RIMBP2: variants seen among roughly 807,000 people sequenced by gnomAD.
RIMBP2 encodes RIMS binding protein 2, also known as RIMS-binding protein 2.
Under a neutral mutation model 118.6 loss-of-function variants are expected in RIMBP2, and 48 were observed. That is an observed-to-expected ratio of 0.40 (90% CI 0.32 to 0.51). The LOEUF is 0.51. Ranked by LOEUF, RIMBP2 falls within the 20% of genes least tolerant of loss-of-function variation. The probability of loss-of-function intolerance (pLI) is 0.41; values close to 1 mark genes in which losing one functional copy is unlikely to be tolerated. For missense variants in RIMBP2, 1,551 were observed against 1,768.3 expected (o/e 0.88, Z 2.20); for synonymous variants, 762 against 742.9 (o/e 1.03, Z -0.42).
chr12:130,548,933 A>G (rs1227569973), intron 2 of RIMBP2, among the ~76,000 whole-genome samples: 1 of 152,052 alleles, frequency 6.6e-6, no homozygotes, highest in East Asian at 1.9e-4. Context: ...TCTTGAGATG[A>G]CCACTCTTGA....
Position 130,459,364 on chromosome 12 carries a change from C to T in RIMBP2, c.154-2664G>A, listed in dbSNP as rs75847700. ...CCAGCATGCTACAGTGCTGCTCCCA[C>T]GCCAGCTTCCCGGCTTTGAGAACAC... On this transcript the variant is annotated intron_variant, in intron 6 of 22. Coordinates refer to ENST00000690449, the MANE Select transcript of RIMBP2 (RefSeq NM_001393629.1). Among the ~76,000 whole-genome samples the T allele has an allele frequency of 5.5e-3, 832 of 152,094 alleles. 15 individuals are homozygous for T. The highest frequency in any genetic ancestry group is 0.019 in the African/African-American group (801 of 41,484).
At chr12:130,650,496 T>C (rs1297370609) in intron 1 of RIMBP2, among the ~76,000 whole-genome samples, 2 of 152,268 alleles carry the variant, frequency 1.3e-5, no homozygotes, top group African/African-American at 4.8e-5. Context: ...AGCCCTGCCA[T>C]AGGGCGTGAC....
At chr12:130,676,839 G>A (rs963648091) in intron 1 of RIMBP2, among the ~76,000 whole-genome samples, 9 of 152,130 alleles carry the variant, frequency 5.9e-5, no homozygotes, top group Non-Finnish European at 1.0e-4. Context: ...GCAGGGACAA[G>A]TGAGGGGCTG....
At chr12:130,543,227 A>T (rs200181393) in intron 2 of RIMBP2, among the ~76,000 whole-genome samples, 2 of 152,182 alleles carry the variant, frequency 1.3e-5, no homozygotes, top group East Asian at 3.9e-4. Context: ...AGCATTCTTT[A>T]AACTATTGAT....
intron 21 of RIMBP2, among the ~76,000 whole-genome samples, chr12:130,402,869 T>G (rs1288748778): frequency 6.6e-6 from 1 of 152,212 alleles, no homozygotes; most frequent in Non-Finnish European, 1.5e-5. Flanking sequence ...ATTTAAGGTT[T>G]CAGATACCGA....
chr12:130,578,409 G>A lies in RIMBP2; in HGVS notation c.-217+49913C>T, dbSNP rs2058236075. Among the ~76,000 whole-genome samples, 1 of 152,198 alleles carries A rather than the reference G, an allele frequency of 6.6e-6. No homozygotes were observed. The highest frequency in any genetic ancestry group is 2.1e-4 in the South Asian group (1 of 4,828). ...AGCAGTACAAAGTGCAAACCTGCCTGACATCCAAGACCTTCTGCAGCTTTG... is the reference window on the plus strand; with the variant it reads ...AGCAGTACAAAGTGCAAACCTGCCTAACATCCAAGACCTTCTGCAGCTTTG... On this transcript the variant is annotated intron_variant, in intron 2 of 22. Coordinates refer to ENST00000690449, the MANE Select transcript of RIMBP2 (RefSeq NM_001393629.1). The surrounding 1 kb of genome is among the most constrained non-coding windows in gnomAD (Gnocchi z 4.1).
chr12:130,456,740 T>C (rs1224064626), intron 6 of RIMBP2, 40 bp from the exon 7 acceptor site: 2 of 1,513,602 alleles, frequency 1.3e-6, no homozygotes, highest in South Asian at 2.4e-5. Flanking sequence ...GCGGTGGCAT[T>C]TGGTGGTGGA....
At position 130,414,194 on chromosome 12, in the gene RIMBP2, C is replaced by A. The variant is rs143479429; in HGVS notation, c.3351G>T (p.Pro1117=). 6.2e-6 allele frequency: 10 copies of A among 1,614,002 alleles called. No individual in the cohort carries two copies. In the African/African-American group the frequency reaches 1.3e-4, roughly 22 times the overall value. Residue 1117 remains proline, a synonymous_variant, in exon 18 of 23, where the codon CCG becomes CCT. Transcript: ENST00000690449. ...RIFVALFDYD[P]LTMSPNPDAA... ...CATCTGGGTTTGGGGACATGGTGAG[C>A]GGGTCGTAGTCAAAGAGAGCCACAA...
chr12:130,602,438 G>A (rs185364094), intron 2 of RIMBP2, among the ~76,000 whole-genome samples: 2 of 152,314 alleles, frequency 1.3e-5, no homozygotes, highest in Admixed American at 1.3e-4. Context: ...AATGCCCTCC[G>A]CCCATTTGGG....
chr12:130,702,515 CAA>C (rs11309202), intron 1 of RIMBP2, among the ~76,000 whole-genome samples: 1 of 131,506 alleles, frequency 7.6e-6, no homozygotes. Context: ...GACTCTGTCT[CAA>C]AAAAAAAATA....
chr12:130,483,052 A>G (rs2082153226), intron 4 of RIMBP2, among the ~76,000 whole-genome samples: 1 of 46,358 alleles, frequency 2.2e-5, no homozygotes, highest in Non-Finnish European at 4.3e-5. Context: ...AAATACACCC[A>G]CTGTGTGTGT....
chr12:130,515,856 C>T (rs746964809), intron 3 of RIMBP2, among the ~76,000 whole-genome samples: 42 of 152,172 alleles, frequency 2.8e-4, no homozygotes, highest in South Asian at 1.2e-3. Context: ...CACCACCACA[C>T]CTAGCTAATT....
intron 2 of RIMBP2, among the ~76,000 whole-genome samples, chr12:130,568,397 A>G (rs1245321582): frequency 1.3e-5 from 2 of 152,220 alleles, no homozygotes; most frequent in African/African-American, 2.4e-5. Flanking sequence ...GTCTGGCTGG[A>G]TCAGTGGTAA....
At chr12:130,645,992 C>T (rs934742582) in intron 1 of RIMBP2, among the ~76,000 whole-genome samples, 1 of 152,066 alleles carries the variant, frequency 6.6e-6, no homozygotes, top group African/African-American at 2.4e-5. Context: ...CAGGGAACAA[C>T]ACTTTGCGTT....
At chr12:130,632,391 A>G (rs916005017) in intron 1 of RIMBP2, among the ~76,000 whole-genome samples, 1 of 151,302 alleles carries the variant, frequency 6.6e-6, no homozygotes, top group African/African-American at 2.4e-5. Context: ...AGTGATGTAC[A>G]TTTTTTTTTT....
chr12:130,649,445 G>A (rs1274072638), intron 1 of RIMBP2, among the ~76,000 whole-genome samples: 1 of 152,170 alleles, frequency 6.6e-6, no homozygotes, highest in Non-Finnish European at 1.5e-5. Context: ...CCCCGACTCA[G>A]GGCTCCACTC....
At chr12:130,436,006 C>A (rs996564772) in intron 13 of RIMBP2, among the ~76,000 whole-genome samples, 1 of 152,220 alleles carries the variant, frequency 6.6e-6, no homozygotes, top group African/African-American at 2.4e-5. Flanking sequence ...ACCCCACAGG[C>A]TGACCCAGCA....
At chr12:130,489,130 T>C (rs1195751686) in intron 4 of RIMBP2, among the ~76,000 whole-genome samples, 1 of 152,238 alleles carries the variant, frequency 6.6e-6, no homozygotes, top group Admixed American at 6.5e-5. Context: ...TTAAATTCTT[T>C]CATGTCTTAT....
intron 22 of RIMBP2, chr12:130,399,060 C>A: frequency 1.0e-6 from 1 of 958,314 alleles, no homozygotes. Context: ...CACACTGGCC[C>A]GGTTAAGGTA....
Sources: allele counts gnomAD v4.1 joint callset (sites outside exome capture counted in the v4.1 genomes callset), GRCh38; gene constraint gnomAD v4.1.1; non-coding constraint Gnocchi (gnomAD v3.1); transcripts MANE v1.5; gene names NCBI Gene and HGNC (gene_info 2026-07-23, HGNC 2026-07-21).